PDE4B: variants seen among roughly 807,000 people sequenced by gnomAD.
The protein encoded by PDE4B is phosphodiesterase 4B.
Under a neutral mutation model 82.2 loss-of-function variants are expected in PDE4B, and 20 were observed. That is an observed-to-expected ratio of 0.24 (90% CI 0.17 to 0.35). The LOEUF is 0.35. Ranked by LOEUF, PDE4B falls within the 10% of genes least tolerant of loss-of-function variation. The pLI, the probability that PDE4B is intolerant of heterozygous loss-of-function variation, is 1.00. For missense variants in PDE4B, 655 were observed against 907.2 expected (o/e 0.72, Z 3.57); for synonymous variants, 320 against 318.9 (o/e 1.00, Z -0.04).
intron 3 of PDE4B, among the ~76,000 whole-genome samples, chr1:66,122,498 A>C (rs959762570): frequency 6.6e-6 from 1 of 152,154 alleles, no homozygotes; most frequent in Admixed American, 6.5e-5. Context: ...GATCCATATA[A>C]TTTGTTAAAT....
intron 3 of PDE4B, among the ~76,000 whole-genome samples, chr1:66,189,634 A>C (rs1400716955): frequency 6.6e-6 from 1 of 152,110 alleles, no homozygotes; most frequent in African/African-American, 2.4e-5. Context: ...TAGGCTATTG[A>C]GGCTTGTGCA....
At chr1:66,123,225 A>G (rs1036296712) in intron 3 of PDE4B, among the ~76,000 whole-genome samples, 1 of 152,056 alleles carries the variant, frequency 6.6e-6, no homozygotes, top group Non-Finnish European at 1.5e-5. Flanking sequence ...GGCTTGCTTT[A>G]TGTCTTTTCT....
chr1:66,299,119 T>C (rs482097), intron 7 of PDE4B, among the ~76,000 whole-genome samples: 9,901 of 152,178 alleles, frequency 0.065, 1,027 homozygotes, highest in African/African-American at 0.22. Flanking sequence ...ACGTATACAA[T>C]AAATTGTTAT....
intron 3 of PDE4B, among the ~76,000 whole-genome samples, chr1:66,176,434 G>A (rs1248782604): frequency 6.6e-6 from 1 of 152,194 alleles, no homozygotes; most frequent in Non-Finnish European, 1.5e-5. Flanking sequence ...TAGTCAGATA[G>A]CTAAGACTTC....
At chr1:65,862,516 T>C (rs556661026) in intron 1 of PDE4B, among the ~76,000 whole-genome samples, 4 of 152,290 alleles carry the variant, frequency 2.6e-5, no homozygotes, top group African/African-American at 7.2e-5. Flanking sequence ...TTTTCTTTTT[T>C]TGTTGCGTTT....
At chr1:66,213,322 G>A (rs1047192904) in intron 3 of PDE4B, among the ~76,000 whole-genome samples, 5 of 152,012 alleles carry the variant, frequency 3.3e-5, no homozygotes, top group Non-Finnish European at 7.4e-5. Context: ...AGACTTTATG[G>A]TGAAAATTAT....
intron 1 of PDE4B, among the ~76,000 whole-genome samples, chr1:65,861,224 A>T (rs1035912062): frequency 2.6e-5 from 4 of 152,114 alleles, no homozygotes; most frequent in Non-Finnish European, 5.9e-5. Flanking sequence ...TAATTTTTGT[A>T]TGAGGTATAA....
At chr1:66,013,560 A>C (rs968184418) in intron 3 of PDE4B, among the ~76,000 whole-genome samples, 1 of 152,098 alleles carries the variant, frequency 6.6e-6, no homozygotes, top group African/African-American at 2.4e-5. Flanking sequence ...CGTAATTCAC[A>C]TTCTTGTGCA....
At chr1:65,952,818 T>C (rs1464454047) in intron 3 of PDE4B, among the ~76,000 whole-genome samples, 1 of 152,170 alleles carries the variant, frequency 6.6e-6, no homozygotes, top group Non-Finnish European at 1.5e-5. Context: ...AATAGTAATA[T>C]CTACCTTTTA....
chr1:66,147,132 A>G (rs140872819), intron 3 of PDE4B, among the ~76,000 whole-genome samples: 2 of 152,358 alleles, frequency 1.3e-5, no homozygotes, highest in African/African-American at 4.8e-5. Flanking sequence ...CAAAAATAAC[A>G]TATTTGATCA....
chr1:66,346,454 G>T (rs375833489), intron 8 of PDE4B, among the ~76,000 whole-genome samples: 1 of 152,186 alleles, frequency 6.6e-6, no homozygotes, highest in Admixed American at 6.5e-5. Context: ...CTTTTTTTAC[G>T]GTTTAACTTA....
In PDE4B at chr1:65,885,894, A is replaced by G. The variant is rs563573141; in HGVS notation, c.-70-27351A>G. 2.7e-5 allele frequency among the ~76,000 whole-genome samples: 4 copies of G among 148,796 alleles called. No homozygotes were observed. In the East Asian group the frequency reaches 7.8e-4, roughly 29 times the overall value. ...TAATAATAATAATAATAATAATAATAATAGCATCCCTTGCTGTGTTAAGAA... is the reference window on the plus strand; with the variant it reads ...TAATAATAATAATAATAATAATAATGATAGCATCCCTTGCTGTGTTAAGAA... On this transcript the variant is annotated intron_variant, in intron 1 of 16. Coordinates refer to ENST00000341517, the MANE Select transcript of PDE4B (RefSeq NM_002600.4).
chr1:66,118,600 A>G (rs1006242969), intron 3 of PDE4B, among the ~76,000 whole-genome samples: 2 of 152,156 alleles, frequency 1.3e-5, no homozygotes, highest in Non-Finnish European at 2.9e-5. Flanking sequence ...TAGCATTAGG[A>G]GATATACCTA....
At chr1:65,815,580 T>G (rs903069840) in intron 1 of PDE4B, among the ~76,000 whole-genome samples, 1 of 152,194 alleles carries the variant, frequency 6.6e-6, no homozygotes, top group Non-Finnish European at 1.5e-5. Context: ...AACTTTTCTG[T>G]AAATTTAAAA....
chr1:65,828,426 A>C (rs1222760978), intron 1 of PDE4B, among the ~76,000 whole-genome samples: 1 of 151,860 alleles, frequency 6.6e-6, no homozygotes, highest in Non-Finnish European at 1.5e-5. Flanking sequence ...TTGTATTTTT[A>C]GTAGAGACAG....
chr1:65,799,845 T>C (rs1016256389), intron 1 of PDE4B, among the ~76,000 whole-genome samples: 1 of 152,088 alleles, frequency 6.6e-6, no homozygotes, highest in Non-Finnish European at 1.5e-5. Context: ...TGCTCTCTCC[T>C]CCCCCATAAC....
intron 1 of PDE4B, among the ~76,000 whole-genome samples, chr1:65,813,237 G>A (rs1014095031): frequency 2.0e-5 from 3 of 152,144 alleles, no homozygotes; most frequent in Admixed American, 6.5e-5. Flanking sequence ...TTAACTAATC[G>A]TGGGAGGTCA....
intron 1 of PDE4B, among the ~76,000 whole-genome samples, chr1:65,798,554 G>A (rs1358214767): frequency 2.7e-5 from 1 of 36,492 alleles, no homozygotes; most frequent in Non-Finnish European, 4.2e-5. Context: ...CACCGCGCCC[G>A]GCCGTGCCAG....
chr1:66,365,793 CCA>C (rs772104579), intron 13 of PDE4B, 27 bp downstream of exon 13: 4 of 1,292,880 alleles, frequency 3.1e-6, no homozygotes, highest in Non-Finnish European at 4.4e-6. Context: ...AGCAGTCATT[CCA>C]GATAATTGTA....
Sources: allele counts gnomAD v4.1 joint callset (sites outside exome capture counted in the v4.1 genomes callset), GRCh38; gene constraint gnomAD v4.1.1; transcripts MANE v1.5; gene names NCBI Gene and HGNC (gene_info 2026-07-23, HGNC 2026-07-21).